Variants in PCDH15 observed in about 807,000 individuals in gnomAD.
PCDH15 encodes protocadherin-15.
Under a neutral mutation model 178.5 loss-of-function variants are expected in PCDH15, and 129 were observed. That is an observed-to-expected ratio of 0.72 (90% CI 0.63 to 0.84). The LOEUF (loss-of-function observed/expected upper bound fraction) is 0.84. PCDH15 is among the 40% of genes least tolerant of loss of function. PCDH15 has a pLI of 0.00. For synonymous variants in PCDH15, 800 were observed against 732.0 expected (o/e 1.09, Z -1.50); for missense variants, 2,230 against 2,099.9 (o/e 1.06, Z -1.21).
At chr10:54,093,388 G>A (rs2094635388) in intron 15 of PCDH15, among the ~76,000 whole-genome samples, 1 of 152,152 alleles carries the variant, frequency 6.6e-6, no homozygotes, top group Non-Finnish European at 1.5e-5. Context: ...AGCCAAGAAA[G>A]CAAAAGGAAA....
intron 8 of PCDH15, among the ~76,000 whole-genome samples, chr10:54,302,487 C>T (rs370772489): frequency 4.6e-5 from 7 of 152,190 alleles, no homozygotes; most frequent in East Asian, 1.9e-4. Flanking sequence ...CAATAGTTCC[C>T]TTAATAAATG....
chr10:55,465,129 C>A (rs1299481186), intron 2 of PCDH15, among the ~76,000 whole-genome samples: 1 of 151,992 alleles, frequency 6.6e-6, no homozygotes, highest in Non-Finnish European at 1.5e-5. Flanking sequence ...TGTGTATGCA[C>A]ACACACAGAG....
At chr10:54,331,223 G>A (rs1445296353) in intron 6 of PCDH15, among the ~76,000 whole-genome samples, 1 of 151,384 alleles carries the variant, frequency 6.6e-6, no homozygotes, top group Non-Finnish European at 1.5e-5. Flanking sequence ...AATGTGTGTA[G>A]TTTAGCCTTC....
At chr10:54,056,591 C>T (rs962318250) in intron 18 of PCDH15, among the ~76,000 whole-genome samples, 12 of 152,018 alleles carry the variant, frequency 7.9e-5, no homozygotes, top group African/African-American at 2.9e-4. Flanking sequence ...TTCACCTGGC[C>T]CCTCCCTTGA....
chr10:54,856,078 CAT>C (rs1480952699), intron 3 of PCDH15, among the ~76,000 whole-genome samples: 1 of 152,146 alleles, frequency 6.6e-6, no homozygotes, highest in Non-Finnish European at 1.5e-5. Context: ...ATGATTAATA[CAT>C]ATGATTGTAT....
chr10:54,214,456 G>A (rs1199431392), intron 9 of PCDH15, among the ~76,000 whole-genome samples: 2 of 152,138 alleles, frequency 1.3e-5, no homozygotes, highest in Non-Finnish European at 1.5e-5. Flanking sequence ...ACCAAATAGT[G>A]AGATGCTTGG....
At chr10:54,993,636 T>G (rs555872329) in intron 2 of PCDH15, among the ~76,000 whole-genome samples, 62 of 152,078 alleles carry the variant, frequency 4.1e-4, no homozygotes, top group Non-Finnish European at 8.1e-4. Context: ...AAAGTAGTAA[T>G]ACGCAACACA....
intron 1 of PCDH15, among the ~76,000 whole-genome samples, chr10:55,217,504 C>T (rs750299850): frequency 4.0e-5 from 6 of 151,706 alleles, no homozygotes; most frequent in African/African-American, 7.3e-5. Flanking sequence ...ATTATTCTTT[C>T]GCAAATGATA....
chr10:55,452,126 A>G (rs933346262), intron 2 of PCDH15, among the ~76,000 whole-genome samples: 25 of 152,158 alleles, frequency 1.6e-4, no homozygotes, highest in Non-Finnish European at 3.1e-4. Flanking sequence ...TAATACTCTG[A>G]TTAAGACAGT....
At chr10:54,137,857 G>A (rs777938690) in intron 14 of PCDH15, among the ~76,000 whole-genome samples, 16 of 152,184 alleles carry the variant, frequency 1.1e-4, no homozygotes, top group African/African-American at 1.7e-4. Flanking sequence ...ACAGATTTTC[G>A]TTACCTGACC....
intron 3 of PCDH15, among the ~76,000 whole-genome samples, chr10:54,475,651 G>A (rs2078225937): frequency 6.6e-6 from 1 of 151,648 alleles, no homozygotes. Flanking sequence ...AACATAATTA[G>A]CAGAAATAAA....
chr10:53,832,627 A>G (rs1410052822), intron 29 of PCDH15, among the ~76,000 whole-genome samples: 1 of 151,016 alleles, frequency 6.6e-6, no homozygotes, highest in Non-Finnish European at 1.5e-5. Flanking sequence ...AGTATACTGC[A>G]TATATAAAGT....
intron 3 of PCDH15, among the ~76,000 whole-genome samples, chr10:54,855,092 C>T (rs1382845406): frequency 2.6e-5 from 4 of 152,240 alleles, no homozygotes; most frequent in African/African-American, 4.8e-5. Flanking sequence ...TGTACACACA[C>T]ACCCGGGCTC....
At chr10:54,992,430 ATCC>A (rs955571835) in intron 2 of PCDH15, among the ~76,000 whole-genome samples, 7 of 152,268 alleles carry the variant, frequency 4.6e-5, no homozygotes, top group African/African-American at 1.7e-4. Context: ...CCTCAGCAAC[ATCC>A]TCTTATACCT....
At chr10:54,599,314 G>T (rs2092410414) in intron 2 of PCDH15, among the ~76,000 whole-genome samples, 1 of 151,914 alleles carries the variant, frequency 6.6e-6, no homozygotes, top group Non-Finnish European at 1.5e-5. Context: ...CATATGCATA[G>T]ACCAAAAAAA....
chr10:54,247,123 T>G (rs1440132543), intron 8 of PCDH15, among the ~76,000 whole-genome samples: 1 of 152,004 alleles, frequency 6.6e-6, no homozygotes, highest in East Asian at 1.9e-4. Context: ...CAAAGAAAAG[T>G]TTCTAATTTT....
chr10:54,685,014 C>A (rs989633348), intron 1 of PCDH15, among the ~76,000 whole-genome samples: 1 of 151,644 alleles, frequency 6.6e-6, no homozygotes, highest in African/African-American at 2.4e-5. Context: ...TATTCTATAA[C>A]CTTTTTCTAT....
chr10:54,111,617 GAT>G (rs1473044380), intron 15 of PCDH15, among the ~76,000 whole-genome samples: 1 of 152,132 alleles, frequency 6.6e-6, no homozygotes, highest in Non-Finnish European at 1.5e-5. Context: ...TTTCCATAAA[GAT>G]AGACTAACAG....
upstream of PCDH15, chr10:55,319,733 T>C (rs1017982792): frequency 6.6e-6 from 1 of 152,216 alleles, no homozygotes; most frequent in African/African-American, 2.4e-5. Flanking sequence ...GTCAGCAAGA[T>C]ACCCTACAAC....
Sources: allele counts gnomAD v4.1 joint callset (sites outside exome capture counted in the v4.1 genomes callset), GRCh38; gene constraint gnomAD v4.1.1; transcripts MANE v1.5; gene names NCBI Gene and HGNC (gene_info 2026-07-23, HGNC 2026-07-21).